Variants in SPECC1 observed in about 807,000 individuals in gnomAD.
SPECC1 encodes the protein sperm antigen with calponin homology and coiled-coil domains 1, also known as cytospin-B.
Under a neutral mutation model 104.1 loss-of-function variants are expected in SPECC1, and 62 were observed. The observed-to-expected ratio is 0.60, with a 90% CI of 0.49 to 0.74. The LOEUF is 0.74. Among genes scored for constraint, SPECC1 ranks in the 30% least tolerant of loss-of-function variants. SPECC1 has a pLI of 0.00. For missense variants in SPECC1, 1,306 were observed against 1,310.5 expected, an observed-to-expected ratio of 1.00 and a Z score of 0.05; for synonymous variants, 513 against 501.6, an observed-to-expected ratio of 1.02 and a Z score of -0.30.
At chr17:20,274,563 C>G (rs1205822960) in intron 12 of SPECC1, among the ~76,000 whole-genome samples, 1 of 128,858 alleles carries the variant, frequency 7.8e-6, no homozygotes, top group African/African-American at 3.0e-5. Context: ...TCACTGCAAT[C>G]TCCGCCTCCC....
chr17:20,128,749 T>A (rs887143914), intron 3 of SPECC1, among the ~76,000 whole-genome samples: 1 of 152,166 alleles, frequency 6.6e-6, no homozygotes, highest in African/African-American at 2.4e-5. Flanking sequence ...TTTCTCATTT[T>A]TATCACTTTG....
At chr17:20,075,141 G>A (rs2046708765) in intron 1 of SPECC1, among the ~76,000 whole-genome samples, 1 of 152,174 alleles carries the variant, frequency 6.6e-6, no homozygotes, top group Non-Finnish European at 1.5e-5. Flanking sequence ...GACCTTAGGC[G>A]ATCCACCTGC....
At chr17:20,237,140 T>G in intron 7 of SPECC1, 1 of 1,371,430 alleles carries the variant, frequency 7.3e-7, no homozygotes. Flanking sequence ...TTGAGCTGTC[T>G]TTTATTTGGA....
intron 1 of SPECC1, among the ~76,000 whole-genome samples, chr17:20,068,359 G>A (rs1807660080): frequency 6.6e-6 from 1 of 152,194 alleles, no homozygotes; most frequent in South Asian, 2.1e-4. Context: ...CTGTGTGGAT[G>A]TACACTTTAT....
At chr17:20,135,167 G>A (rs1024036172) in intron 3 of SPECC1, among the ~76,000 whole-genome samples, 1 of 152,154 alleles carries the variant, frequency 6.6e-6, no homozygotes, top group African/African-American at 2.4e-5. Flanking sequence ...CCATTGAATT[G>A]TCTTTGTTTG....
At chr17:20,190,147 A>G (rs894460718) in intron 3 of SPECC1, among the ~76,000 whole-genome samples, 3 of 152,156 alleles carry the variant, frequency 2.0e-5, no homozygotes, top group African/African-American at 4.8e-5. Context: ...CCAAGATTTG[A>G]TAACAGACTT....
At chr17:20,198,691 G>C (rs2036203534) in intron 3 of SPECC1, among the ~76,000 whole-genome samples, 2 of 152,190 alleles carry the variant, frequency 1.3e-5, no homozygotes, top group African/African-American at 4.8e-5. Context: ...TCATAAGTTG[G>C]ACCTCTAACC....
At chr17:20,228,591 AT>A (rs1479797674) in intron 5 of SPECC1, among the ~76,000 whole-genome samples, 1 of 152,234 alleles carries the variant, frequency 6.6e-6, no homozygotes, top group African/African-American at 2.4e-5. Context: ...ACAGAGATGG[AT>A]GATAGGTATC....
chr17:20,051,674 C>T (rs1488118992), intron 1 of SPECC1, among the ~76,000 whole-genome samples: 1 of 152,036 alleles, frequency 6.6e-6, no homozygotes, highest in Non-Finnish European at 1.5e-5. Flanking sequence ...TGATATTCAG[C>T]AGACAAGGAT....
rs1179359802 is a variant in SPECC1, at chr17:20,224,653, G to T, written c.1864-2760G>T. On this transcript the variant is annotated intron_variant, in intron 4 of 14. Coordinates refer to ENST00000395527, the MANE Select transcript of SPECC1 (RefSeq NM_001243439.2). ...ACCCCAAGCCTGTGGCAGCACCACT[G>T]ATGTTTATTCAGGGCCCAAGTTCTC... Among the ~76,000 whole-genome samples the T allele has an allele frequency of 2.5e-4, 38 of 152,148 alleles. 1 individual carries two copies. Among genetic ancestry groups the T allele is most frequent in the Admixed American group, 2.5e-3 (38 of 15,280 alleles).
At chr17:20,086,728 C>T (rs1183836851) in intron 1 of SPECC1, among the ~76,000 whole-genome samples, 2 of 152,098 alleles carry the variant, frequency 1.3e-5, no homozygotes, top group East Asian at 3.9e-4. Context: ...TGGGGGCTCT[C>T]GTTATGGAGG....
intron 12 of SPECC1, among the ~76,000 whole-genome samples, chr17:20,270,625 A>G (rs1223771458): frequency 1.3e-5 from 2 of 150,230 alleles, no homozygotes; most frequent in South Asian, 2.1e-4. Flanking sequence ...TCTCTGGGGA[A>G]AAAAAAAAAA....
intron 3 of SPECC1, among the ~76,000 whole-genome samples, chr17:20,149,493 A>C (rs2031785503): frequency 6.6e-6 from 1 of 152,160 alleles, no homozygotes; most frequent in Non-Finnish European, 1.5e-5. Context: ...GTCTCTAGTG[A>C]ATTTCCCTGG....
In SPECC1 at chr17:20,153,776, T is replaced by G. The variant is rs186103643; in HGVS notation, c.283+43214T>G. Among the ~76,000 whole-genome samples the G allele has an allele frequency of 9.6e-4, 147 of 152,364 alleles. 2 individuals carry two copies. In the Middle Eastern group the frequency reaches 0.014, roughly 14 times the overall value. ...ATAAGTATGTAACTGTTCTGTAGAT[T>G]GAAGTTGTGTCACTCTTACCATGAT... is the stretch of plus-strand genomic sequence containing the variant. On this transcript the variant is annotated intron_variant, in intron 3 of 14. Coordinates refer to ENST00000395527, the MANE Select transcript of SPECC1 (RefSeq NM_001243439.2).
chr17:20,015,713 T>C (rs1430836302), intron 1 of SPECC1, among the ~76,000 whole-genome samples: 1 of 149,954 alleles, frequency 6.7e-6, no homozygotes, highest in East Asian at 2.0e-4. Flanking sequence ...GCCTCCCCAG[T>C]AGCGAGGACT....
chr17:20,270,441 A>C lies in SPECC1; in HGVS notation c.2940+10147A>C, dbSNP rs1300249720. On this transcript the variant is annotated intron_variant, in intron 12 of 14. Coordinates refer to ENST00000395527, the MANE Select transcript of SPECC1 (RefSeq NM_001243439.2). ...CAAGGCCCTGTCTTTACCAAAAAAA[A>C]AAAAAAAAAAAAAAAAAAAAAAAAA... Among the ~76,000 whole-genome samples, 5 of 41,232 alleles carry C rather than the reference A, an allele frequency of 1.2e-4. No homozygotes were observed. In the East Asian group the frequency reaches 3.5e-3, roughly 29 times the overall value. The allele number at this position is 41,232 out of a possible 152,430, so 27.0% of individuals were successfully genotyped here. A position where few individuals can be genotyped will look rare whatever the true frequency, so the allele number is the denominator to read the frequency against.
intron 3 of SPECC1, among the ~76,000 whole-genome samples, chr17:20,142,441 G>A (rs1313185626): frequency 1.3e-5 from 2 of 152,158 alleles, no homozygotes; most frequent in African/African-American, 4.8e-5. Context: ...CAGATGCGTA[G>A]ATCAACAAAA....
intron 4 of SPECC1, among the ~76,000 whole-genome samples, chr17:20,224,928 T>C (rs1011403163): frequency 1.3e-5 from 2 of 152,118 alleles, no homozygotes; most frequent in African/African-American, 4.8e-5. Context: ...GCCGGTACAG[T>C]GTGTGGCCCA....
chr17:20,261,994 A>T (rs2040043591), intron 12 of SPECC1, among the ~76,000 whole-genome samples: 1 of 152,222 alleles, frequency 6.6e-6, no homozygotes, highest in South Asian at 2.1e-4. Flanking sequence ...TTTTTACAAA[A>T]GTATGCATCC....
Sources: allele counts gnomAD v4.1 joint callset (sites outside exome capture counted in the v4.1 genomes callset), GRCh38; gene constraint gnomAD v4.1.1; transcripts MANE v1.5; gene names NCBI Gene and HGNC (gene_info 2026-07-23, HGNC 2026-07-21).